The following LAMA2 variants were observed in gnomAD, a reference collection of about 807,000 sequenced individuals.
The protein encoded by LAMA2 is laminin subunit alpha-2.
A neutral mutation model predicts 364.8 loss-of-function variants in LAMA2; 269 were observed. That is an observed-to-expected ratio of 0.74 (90% confidence interval 0.67 to 0.82). LAMA2 has a LOEUF of 0.82. LAMA2 is among the 40% of genes least tolerant of loss of function. The pLI, the probability that LAMA2 is intolerant of heterozygous loss-of-function variation, is 0.00. For missense variants in LAMA2, 3,807 were observed against 3,873.2 expected (o/e 0.98, Z 0.45); for synonymous variants, 1,379 against 1,370.6 (o/e 1.01, Z -0.14).
intron 10 of LAMA2, among the ~76,000 whole-genome samples, chr6:129,184,939 T>G (rs1034348760): frequency 6.6e-5 from 10 of 151,932 alleles, no homozygotes; most frequent in Non-Finnish European, 1.3e-4. Flanking sequence ...CTTGGAAAAG[T>G]GTGTTTTAGG....
At chr6:129,280,285 C>G (rs570523609) in intron 18 of LAMA2, 138 bp downstream of exon 18, 414 of 685,704 alleles carry the variant, frequency 6.0e-4, no homozygotes, top group Non-Finnish European at 7.8e-4. Flanking sequence ...TCTCAACGCA[C>G]TTGTCAAACA....
At chr6:128,975,635 T>C (rs894026836) in intron 1 of LAMA2, among the ~76,000 whole-genome samples, 2 of 152,134 alleles carry the variant, frequency 1.3e-5, no homozygotes, top group African/African-American at 4.8e-5. Context: ...AATTCAATCA[T>C]AGGGGCAGGT....
chr6:128,911,096 C>T (rs1208856196), intron 1 of LAMA2, among the ~76,000 whole-genome samples: 4 of 152,134 alleles, frequency 2.6e-5, no homozygotes, highest in African/African-American at 9.7e-5. Flanking sequence ...TTTTGTTTGT[C>T]TGTGCCCTGC....
chr6:129,188,615 A>T (rs146875541), intron 10 of LAMA2, among the ~76,000 whole-genome samples: 415 of 152,034 alleles, frequency 2.7e-3, no homozygotes, highest in African/African-American at 9.7e-3. Context: ...TAAGTCTGAA[A>T]TTAGTTTGAT....
At chr6:129,398,825 C>G (rs1779805493) in intron 37 of LAMA2, among the ~76,000 whole-genome samples, 1 of 152,100 alleles carries the variant, frequency 6.6e-6, no homozygotes, top group African/African-American at 2.4e-5. Flanking sequence ...CATCTACATA[C>G]TAGAGATAGT....
intron 10 of LAMA2, among the ~76,000 whole-genome samples, chr6:129,182,837 T>C (rs1240914997): frequency 6.6e-6 from 1 of 151,806 alleles, no homozygotes; most frequent in African/African-American, 2.4e-5. Flanking sequence ...ATATAAAATA[T>C]AAATATTTTG....
Position 129,154,535 on chromosome 6 carries a change from G to A in LAMA2, c.1058G>A (p.Cys353Tyr). ...AATTGTCATGGAAAAGCTGAAGAAT[G>A]CTATTATGATGAAAATGTTGCCAGA... is the stretch of plus-strand genomic sequence containing the variant. The part of the protein sequence containing the change: ...ACNCHGKAEE[C>Y]YYDENVARRN... Residue 353 changes from cysteine to tyrosine, a missense_variant, in exon 8 of 65, where the codon TGC becomes TAC. Cys to Tyr is a radical substitution (Grantham distance 194, BLOSUM62 -2). Transcript: ENST00000421865. The A allele has an allele frequency of 6.2e-7, 1 of 1,613,854 alleles. No individual in the cohort carries two copies. The highest frequency in any genetic ancestry group is 8.5e-7 in the Non-Finnish European group (1 of 1,179,776).
At chr6:129,282,638 C>T (rs1788801880) in intron 18 of LAMA2, among the ~76,000 whole-genome samples, 2 of 152,150 alleles carry the variant, frequency 1.3e-5, no homozygotes. Flanking sequence ...GCTGACCTAT[C>T]CCTTTTTCTC....
intron 34 of LAMA2, among the ~76,000 whole-genome samples, chr6:129,379,800 C>A (rs1562509595): frequency 6.6e-6 from 1 of 152,214 alleles, no homozygotes; most frequent in Non-Finnish European, 1.5e-5. Context: ...CTCTGAGCTT[C>A]TAAAAAATGC....
At position 129,464,363 on chromosome 6, in the gene LAMA2, C is replaced by T. The variant is rs747217321; in HGVS notation, c.7066C>T (p.Arg2356Cys). The change falls in exon 50 of 65, where the codon CGC becomes TGC. Residue 2356 changes from arginine to cysteine, a missense_variant. Around this residue, in one of 3 missense-constraint regions of LAMA2, gnomAD observed 3,333 missense variants for 3,345.7 expected, o/e 1.00. Transcript: ENST00000421865. ...TTATGCATTGGTCAGCCGTCCCATT[C>T]GCTGGTACCCCAACATCTCCACTGT... ...EGYALVSRPI[R>C]WYPNISTVMF... The T allele has an allele frequency of 1.2e-5, 20 of 1,611,492 alleles. No homozygotes were observed. Among genetic ancestry groups the T allele is most frequent in the African/African-American group, 2.7e-5 (2 of 74,872 alleles).
chr6:129,436,433 C>A (rs1419610566), intron 41 of LAMA2, among the ~76,000 whole-genome samples: 2 of 152,142 alleles, frequency 1.3e-5, no homozygotes, highest in Non-Finnish European at 2.9e-5. Context: ...GCACCTGTAC[C>A]ATTGTATGAA....
chr6:129,288,385 T>C (rs1789435155), intron 19 of LAMA2, among the ~76,000 whole-genome samples: 1 of 152,060 alleles, frequency 6.6e-6, no homozygotes, highest in African/African-American at 2.4e-5. Flanking sequence ...AGACACCATG[T>C]ATCCATTTTT....
At chr6:129,125,055 A>T (rs1204348759) in intron 4 of LAMA2, among the ~76,000 whole-genome samples, 2 of 152,210 alleles carry the variant, frequency 1.3e-5, no homozygotes, top group African/African-American at 2.4e-5. Flanking sequence ...AAGTGGAACC[A>T]ATAGTATTTC....
rs1183540108 is a variant in LAMA2 at position 129,318,731 on chromosome 6, A to C, written c.4059-1807A>C. ...TGAATTTTAATTGAATGTGTGTTTC[A>C]TCAAGACCAATCTTCAGAGTGCAGA... On this transcript the variant is annotated intron_variant, in intron 27 of 64. Coordinates refer to ENST00000421865, the MANE Select transcript of LAMA2 (RefSeq NM_000426.4). 2.6e-5 allele frequency among the ~76,000 whole-genome samples: 4 copies of C among 152,224 alleles called. No individual in the cohort carries two copies. In the East Asian group the frequency reaches 7.7e-4, roughly 29 times the overall value.
At chr6:129,443,852 G>A (rs925703101) in intron 44 of LAMA2, among the ~76,000 whole-genome samples, 5 of 151,986 alleles carry the variant, frequency 3.3e-5, no homozygotes, top group Non-Finnish European at 4.4e-5. Context: ...TGTCCTCAGC[G>A]GAAAATGAGA....
At chr6:129,268,396 A>C (rs1787661531) in intron 16 of LAMA2, among the ~76,000 whole-genome samples, 2 of 152,084 alleles carry the variant, frequency 1.3e-5, no homozygotes, top group Admixed American at 1.3e-4. Context: ...GTAGGAAATA[A>C]TACTCAGCCC....
In LAMA2 at chr6:129,165,609, T is replaced by C. The variant is rs778370179; in HGVS notation, c.1240T>C (p.Cys414Arg). 3 of 1,613,222 alleles carry C rather than the reference T, an allele frequency of 1.9e-6. No individual in the cohort carries two copies. The highest frequency in any genetic ancestry group is 2.5e-6 in the Non-Finnish European group (3 of 1,179,398). ...SPNYPRPCQP[C>R]HCDPIGSLNE... The stretch of plus-strand genomic sequence containing the variant: ...AAATTATCCAAGGCCATGCCAGCCA[T>C]GTCATTGCGATCCAATTGGTTCCTT... Residue 414 changes from cysteine (C) to arginine (R), a missense_variant, in exon 9 of 65, where the codon TGT becomes CGT. Cys to Arg is a radical substitution (Grantham distance 180). Around this residue, in one of 3 missense-constraint regions of LAMA2, gnomAD observed 80 missense variants for 124.0 expected, o/e 0.65. Coordinates refer to ENST00000421865, the MANE Select transcript of LAMA2 (RefSeq NM_000426.4).
At chr6:129,506,992 C>A (rs1786139356) in intron 61 of LAMA2, among the ~76,000 whole-genome samples, 1 of 151,994 alleles carries the variant, frequency 6.6e-6, no homozygotes, top group Non-Finnish European at 1.5e-5. Context: ...AAGTTTTATG[C>A]ATATTTGCAT....
chr6:129,396,607 G>A (rs1779632226), intron 37 of LAMA2, among the ~76,000 whole-genome samples: 1 of 152,174 alleles, frequency 6.6e-6, no homozygotes, highest in Admixed American at 6.5e-5. Context: ...GCAGTGGAGA[G>A]AGGGCTAAGG....
Sources: gnomAD v4.1 joint callset for allele counts (sites outside exome capture counted in the v4.1 genomes callset) on GRCh38, gnomAD v4.1.1 for gene constraint, gnomAD v4.1.1 regional missense constraint, MANE v1.5 for transcripts, NCBI Gene and HGNC (gene_info 2026-07-23, HGNC 2026-07-21) for gene names.